Variants in ERGIC1 observed in about 807,000 individuals in gnomAD.
ERGIC1 encodes endoplasmic reticulum-golgi intermediate compartment 1, also known as endoplasmic reticulum-Golgi intermediate compartment protein 1.
A neutral mutation model predicts 38.3 loss-of-function variants in ERGIC1; 19 were observed. The ratio of observed to expected loss-of-function variants is 0.50; its 90% CI spans 0.35 to 0.73. The LOEUF is 0.73. ERGIC1 is among the 30% of genes least tolerant of loss of function. The probability of loss-of-function intolerance (pLI) is 0.01; values close to 1 mark genes in which losing one functional copy is unlikely to be tolerated. For missense variants in ERGIC1, 294 were observed against 389.2 expected (o/e 0.76, Z 2.06); for synonymous variants, 124 against 157.6 (o/e 0.79, Z 1.60).
chr5:172,939,332 C>G (rs545643361), intron 9 of ERGIC1, among the ~76,000 whole-genome samples: 2 of 152,324 alleles, frequency 1.3e-5, no homozygotes, highest in South Asian at 4.1e-4. Flanking sequence ...GTTTGGGAAG[C>G]TCTAAGAATA....
chr5:172,920,000 C>T (rs1318393721), intron 5 of ERGIC1, among the ~76,000 whole-genome samples: 2 of 152,212 alleles, frequency 1.3e-5, no homozygotes, highest in African/African-American at 4.8e-5. Flanking sequence ...GGTTAAGTGA[C>T]CTGGTCAAGG....
At chr5:172,921,847 G>A (rs1299390496) in intron 5 of ERGIC1, among the ~76,000 whole-genome samples, 1 of 152,158 alleles carries the variant, frequency 6.6e-6, no homozygotes, top group African/African-American at 2.4e-5. Context: ...GATGCCTTTC[G>A]CTCTCTTCCT....
chr5:172,911,785 T>C (rs1243442613), intron 4 of ERGIC1, among the ~76,000 whole-genome samples: 2 of 152,168 alleles, frequency 1.3e-5, no homozygotes, highest in Non-Finnish European at 2.9e-5. Context: ...TATTCTTCAT[T>C]ATACAACTAA....
intron 1 of ERGIC1, among the ~76,000 whole-genome samples, chr5:172,847,206 A>G (rs762347936): frequency 2.6e-4 from 40 of 152,074 alleles, no homozygotes; most frequent in Non-Finnish European, 4.0e-4. Flanking sequence ...TTGGCCTGGC[A>G]GTGGTGGGGA....
chr5:172,925,436 G>A (rs952524362), intron 6 of ERGIC1, among the ~76,000 whole-genome samples: 2 of 152,132 alleles, frequency 1.3e-5, no homozygotes, highest in South Asian at 2.1e-4. Context: ...AGAAATTGCA[G>A]TTCCTTCCAG....
At chr5:172,907,324 G>A (rs1001018888) in intron 3 of ERGIC1, among the ~76,000 whole-genome samples, 1 of 152,192 alleles carries the variant, frequency 6.6e-6, no homozygotes, top group African/African-American at 2.4e-5. Context: ...TTGGGAGGCC[G>A]AGGCAGGCAG....
chr5:172,904,491 G>A (rs1396284092), intron 3 of ERGIC1, among the ~76,000 whole-genome samples: 1 of 152,232 alleles, frequency 6.6e-6, no homozygotes, highest in Non-Finnish European at 1.5e-5. Context: ...CAGGAGGTGA[G>A]CCCACACCGG....
At position 172,924,120 on chromosome 5, in the gene ERGIC1, G is replaced by A; in HGVS notation, c.480+11G>A. ...GGGGACACGCTACAGGTGAGCAGGG[G>A]ACACTCGAGATGGCATGGCCGGGGG... On this transcript the variant is annotated intron_variant, in intron 6 of 9. Coordinates refer to ENST00000393784, the MANE Select transcript of ERGIC1 (RefSeq NM_001031711.3). The A allele has an allele frequency of 6.2e-7, 1 of 1,613,362 alleles. No individual in the cohort carries two copies. The highest frequency in any genetic ancestry group is 8.5e-7 in the Non-Finnish European group (1 of 1,179,570).
chr5:172,877,440 G>GTGTGTGTGTA (rs1491234878), intron 1 of ERGIC1, among the ~76,000 whole-genome samples: 9 of 67,390 alleles, frequency 1.3e-4, no homozygotes, highest in African/African-American at 5.1e-4. Context: ...GTGTGTGTGT[G>GTGTGTGTGTA]TATATATATA....
chr5:172,878,135 C>G (rs1232891149), intron 1 of ERGIC1, among the ~76,000 whole-genome samples: 1 of 152,170 alleles, frequency 6.6e-6, no homozygotes, highest in African/African-American at 2.4e-5. Context: ...GGAGAGGTCA[C>G]ATGTGGGGAT....
intron 1 of ERGIC1, among the ~76,000 whole-genome samples, chr5:172,841,155 A>G (rs895965029): frequency 2.0e-5 from 3 of 152,224 alleles, no homozygotes; most frequent in Non-Finnish European, 4.4e-5. Context: ...TTTTAGGTCT[A>G]TTAACTTAAT....
intron 9 of ERGIC1, among the ~76,000 whole-genome samples, 163 bp from the exon 10 acceptor site, chr5:172,950,546 T>A (rs550422996): frequency 6.6e-6 from 1 of 152,252 alleles, no homozygotes; most frequent in Non-Finnish European, 1.5e-5. Context: ...CTTTGAGCCC[T>A]AAGTATGTTC....
chr5:172,842,770 G>A (rs1003608118), intron 1 of ERGIC1, among the ~76,000 whole-genome samples: 6 of 152,314 alleles, frequency 3.9e-5, no homozygotes, highest in African/African-American at 1.4e-4. Flanking sequence ...TAGAGATTTT[G>A]AGCATCTTTT....
At chr5:172,902,838 C>G (rs986344946) in intron 3 of ERGIC1, among the ~76,000 whole-genome samples, 1 of 152,000 alleles carries the variant, frequency 6.6e-6, no homozygotes, top group African/African-American at 2.4e-5. Flanking sequence ...GCATAGAGGT[C>G]AGAGACTTCA....
intron 7 of ERGIC1, among the ~76,000 whole-genome samples, chr5:172,932,173 C>A (rs749248783): frequency 8.5e-5 from 13 of 152,136 alleles, no homozygotes; most frequent in Non-Finnish European, 1.6e-4. Flanking sequence ...CTCACTCTTT[C>A]ATGGTTGCTC....
chr5:172,937,497 C>G (rs556846915), intron 9 of ERGIC1: 2 of 152,198 alleles, frequency 1.3e-5, no homozygotes, highest in African/African-American at 4.8e-5. Context: ...AAGACCCCCT[C>G]CCTACAAAAG....
Position 172,951,113 on chromosome 5 carries a change from G to T in ERGIC1, c.*297G>T. The T allele has an allele frequency of 3.6e-6, 1 of 277,598 alleles. No individual in the cohort carries two copies. Among genetic ancestry groups the T allele is most frequent in the Non-Finnish European group, 6.8e-6 (1 of 146,618 alleles). 17.2% of individuals were successfully genotyped at this position (277,598 alleles called of 1,614,324 possible). ...GATCTTGGGGACCCCTCCTAGGAGA[G>T]CTGCAGTCTCTTCCCTCAGGGGAAC... On this transcript the variant is annotated 3_prime_UTR_variant, in exon 10 of 10. Transcript: ENST00000393784.
intron 3 of ERGIC1, chr5:172,897,792 A>C (rs1762759300): frequency 2.4e-6 from 1 of 413,702 alleles, no homozygotes; most frequent in African/African-American, 2.1e-5. Context: ...GGTTGCTGAC[A>C]TCAGCGCCCG....
At chr5:172,870,698 T>C (rs1394506905) in intron 1 of ERGIC1, among the ~76,000 whole-genome samples, 4 of 152,200 alleles carry the variant, frequency 2.6e-5, no homozygotes, top group Admixed American at 6.5e-5. Flanking sequence ...GAGGCAGATA[T>C]GGGAAATTTA....
Sources: allele counts gnomAD v4.1 joint callset (sites outside exome capture counted in the v4.1 genomes callset), GRCh38; gene constraint gnomAD v4.1.1; transcripts MANE v1.5; gene names NCBI Gene and HGNC (gene_info 2026-07-23, HGNC 2026-07-21).